The following CELSR3 variants were observed in gnomAD, a reference collection of about 807,000 sequenced individuals.
CELSR3 encodes EGF-like protein 1.
CELSR3 carries 73 observed loss-of-function variants against 270.0 expected under a neutral mutation model. That is an observed-to-expected ratio of 0.27 (90% CI 0.22 to 0.33). The LOEUF is 0.33. CELSR3 is among the 10% of genes least tolerant of loss of function. CELSR3 has a pLI of 1.00. For synonymous variants in CELSR3, 1,780 were observed against 1,905.4 expected, an observed-to-expected ratio of 0.93 and a Z score of 1.71; for missense variants, 3,614 against 4,533.8, an observed-to-expected ratio of 0.80 and a Z score of 5.83.
rs751803645 is a variant in CELSR3, at chr3:48,659,775, C to T, written c.2860G>A (p.Val954Met). 1.4e-5 allele frequency: 23 copies of T among 1,614,122 alleles called. No individual in the cohort carries two copies. The Admixed American group carries it at 2.7e-4, about 19-fold the overall frequency. ...TTYVEVMVND[V>M]NDNAPQFVAS... The stretch of plus-strand genomic sequence containing the variant: ...ACAAATTGTGGAGCATTGTCATTCA[C>T]GTCATTGACCATCACCTCCACATAA... Residue 954 changes from valine (V) to methionine (M), a missense_variant, in exon 1 of 35, where the codon GTG becomes ATG. By Grantham distance (21) the Val-to-Met change is conservative. This residue lies in a region of CELSR3 where 1,331 missense variants were observed against 1,933.7 expected (regional missense o/e 0.69). Coordinates refer to ENST00000164024, the MANE Select transcript of CELSR3 (RefSeq NM_001407.3). The surrounding 1 kb of genome is among the most constrained non-coding windows in gnomAD (Gnocchi z 8.1).
intron 2 of CELSR3, 61 bp from the exon 3 acceptor site, chr3:48,656,426 TCAAAGACCGCGCGCC>T (rs962495662): frequency 3.0e-6 from 4 of 1,350,026 alleles, no homozygotes; most frequent in Admixed American, 3.7e-5. Flanking sequence ...TCCGGCCCCT[TCAAAGACCGCGCGCC>T]CAGAGGCCGG....
rs2106701526 is a variant in CELSR3, at chr3:48,644,247, C to T, written c.8134G>A (p.Gly2712Arg). ...LLAARTSCST[G>R]QREAKKTSAL... is the part of the protein sequence containing the mutation. Reference sequence around the variant, plus strand: ...GAGGTCTTCTTGGCCTCCCTCTGCCCTGTGGAGCAGGATGTGCGGGCAGCG... The same window carrying T: ...GAGGTCTTCTTGGCCTCCCTCTGCCTTGTGGAGCAGGATGTGCGGGCAGCG... Residue 2712 changes from glycine to arginine, a missense_variant, in exon 27 of 35, where the codon GGG (glycine) becomes AGG (arginine). Transcript: ENST00000164024. This position sits in a 1 kb window ranked among gnomAD's most constrained non-coding sequence, Gnocchi z 4.8. 6.2e-7 allele frequency: 1 copy of T among 1,613,174 alleles called. No individual in the cohort carries two copies. The highest frequency in any genetic ancestry group is 2.2e-5 in the East Asian group (1 of 44,870).
In CELSR3 at chr3:48,646,304, C is replaced by A. The variant is rs1442307982; in HGVS notation, c.7296-47G>T. 6.4e-7 allele frequency: 1 copy of A among 1,560,914 alleles called. No individual in the cohort carries two copies. The highest frequency in any genetic ancestry group is 1.2e-5 in the South Asian group (1 of 85,066). Reference sequence around the variant, plus strand: ...CTTACGCACTGCTGACCTCCCCATGCTCAGCCTGCTTGCCTCACCCCGTCT... The same window carrying A: ...CTTACGCACTGCTGACCTCCCCATGATCAGCCTGCTTGCCTCACCCCGTCT... On this transcript the variant is annotated intron_variant, in intron 21 of 34. Transcript: ENST00000164024. This position sits in a 1 kb window ranked among gnomAD's most constrained non-coding sequence, Gnocchi z 4.8.
In CELSR3 at chr3:48,648,571, G is replaced by C. The variant is rs146206111; in HGVS notation, c.6778-110C>G. 5.3e-4 allele frequency: 727 copies of C among 1,376,186 alleles called. 9 individuals are homozygous for C. The East Asian group carries it at 0.013, about 25-fold the overall frequency. The allele number at this position is 1,376,186 out of a possible 1,614,324, so 85.2% of individuals were successfully genotyped here. ...TGCTCAGAGGGGCTCCAACAGGCAA[G>C]GGGGCGGGGCTGGAGAGGACAAGGA... is the stretch of plus-strand genomic sequence containing the variant. On this transcript the variant is annotated intron_variant, in intron 18 of 34. Transcript: ENST00000164024.
chr3:48,653,086 A>G lies in CELSR3; in HGVS notation c.5550T>C (p.Asp1850=). ...GTTCCTCCTGCAACTCCAGCCGCAG[A>G]TCGTGCCACCGGCCATCACTGACAG... is the stretch of plus-strand genomic sequence containing the variant. ...QVTVSDGRWH[D]LRLELQEEPG... is the part of the protein sequence containing the mutation. Residue 1850 remains aspartate, a synonymous_variant, in exon 10 of 35, where the codon GAT becomes GAC. Transcript: ENST00000164024. The surrounding 1 kb of genome is among the most constrained non-coding windows in gnomAD (Gnocchi z 6.5). 1 of 1,613,394 alleles carries G rather than the reference A, an allele frequency of 6.2e-7. No homozygotes were observed. Among genetic ancestry groups the G allele is most frequent in the South Asian group, 1.1e-5 (1 of 91,086 alleles).
In CELSR3 at chr3:48,655,478, G is replaced by A. The variant is rs2047172555; in HGVS notation, c.4742-84C>T. The A allele has an allele frequency of 1.4e-6, 2 of 1,396,972 alleles. No individual in the cohort carries two copies. Among genetic ancestry groups the A allele is most frequent in the Non-Finnish European group, 1.0e-6 (1 of 990,190 alleles). The allele number at this position is 1,396,972 out of a possible 1,614,324, so 86.5% of individuals were successfully genotyped here. A position where few individuals can be genotyped will look rare whatever the true frequency, so the allele number is the denominator to read the frequency against. On this transcript the variant is annotated intron_variant, in intron 4 of 34. Coordinates refer to ENST00000164024, the MANE Select transcript of CELSR3 (RefSeq NM_001407.3). This position sits in a 1 kb window ranked among gnomAD's most constrained non-coding sequence, Gnocchi z 5.8. ...TCATATAAGCACAACCATTCCCAGG[G>A]CCACCCTGGATGCATCAGATCAGTC...
chr3:48,651,811 C>T lies in CELSR3; in HGVS notation c.5923+66G>A. 6.5e-7 allele frequency: 1 copy of T among 1,549,064 alleles called. No individual in the cohort carries two copies. Among genetic ancestry groups the T allele is most frequent in the Admixed American group, 2.0e-5 (1 of 49,084 alleles). On this transcript the variant is annotated intron_variant, in intron 12 of 34. Coordinates refer to ENST00000164024, the MANE Select transcript of CELSR3 (RefSeq NM_001407.3). This position sits in a 1 kb window ranked among gnomAD's most constrained non-coding sequence, Gnocchi z 7.4. ...GAGTCCCTGCCTCCTTCAGGTTCCCCAGTCTTCATCATGGGCCCCTAACGC... is the reference window on the plus strand; with the variant it reads ...GAGTCCCTGCCTCCTTCAGGTTCCCTAGTCTTCATCATGGGCCCCTAACGC...
rs755164071 is a variant in CELSR3, at chr3:48,643,076, G to A, written c.8297C>T (p.Ala2766Val). The A allele has an allele frequency of 6.8e-6, 11 of 1,609,316 alleles. No homozygotes were observed. In the Admixed American group the frequency reaches 8.3e-5, roughly 12 times the overall value. ...TAGGACACAGAAGAGCAGCAGCACCGCCAGGCCCTGTGGGTCAGCGAGGGT... is the reference window on the plus strand; with the variant it reads ...TAGGACACAGAAGAGCAGCAGCACCACCAGGCCCTGTGGGTCAGCGAGGGT... ...HAGLCGLQGL[A>V]VLLLFCVLNA... The change falls in exon 29 of 35, where the codon GCG becomes GTG. Residue 2766 changes from alanine (A) to valine (V), a missense_variant. Ala to Val is a moderately conservative substitution (Grantham distance 64). Around this residue, in one of 7 missense-constraint regions of CELSR3, gnomAD observed 1,240 missense variants for 1,351.7 expected, o/e 0.92. Transcript: ENST00000164024.
At chr3:48,656,473 C>G in intron 2 of CELSR3, 108 bp from the exon 3 acceptor site, 1 of 1,181,420 alleles carries the variant, frequency 8.5e-7, no homozygotes, top group Non-Finnish European at 1.1e-6. Flanking sequence ...CCCGAAAGGT[C>G]GCCCTCTTCG....
rs909084567 is a variant in CELSR3 at position 48,657,095 on chromosome 3, A to T, written c.4002T>A (p.Ala1334=). ...TVLNVSFSAL[A]PRGAGAGAAG... ...CAGCGCCCGCCCCGGCCCCACGTGG[A>T]GCTAGCGCCGAGAAACTCACATTGA... is the stretch of plus-strand genomic sequence containing the variant. Residue 1334 remains alanine, a synonymous_variant, in exon 2 of 35, where the codon GCT becomes GCA. Coordinates refer to ENST00000164024, the MANE Select transcript of CELSR3 (RefSeq NM_001407.3). The surrounding 1 kb of genome is among the most constrained non-coding windows in gnomAD (Gnocchi z 5.4). 6.2e-7 allele frequency: 1 copy of T among 1,613,828 alleles called. No homozygotes were observed. Among genetic ancestry groups the T allele is most frequent in the Non-Finnish European group, 8.5e-7 (1 of 1,179,932 alleles).
rs952681385 is a variant in CELSR3, at chr3:48,650,680, C to T, written c.6371-99G>A. On this transcript the variant is annotated intron_variant, in intron 15 of 34. Transcript: ENST00000164024. The surrounding 1 kb of genome is among the most constrained non-coding windows in gnomAD (Gnocchi z 5.1). ...ACCACCCCCCACAAGGCCCACTGCC[C>T]GCCACTCCTGCTGGCTTCTCAGGAG... 1.5e-5 allele frequency: 17 copies of T among 1,108,828 alleles called. No individual in the cohort carries two copies. The highest frequency in any genetic ancestry group is 2.6e-4 in the Middle Eastern group (1 of 3,910). 68.7% of individuals were successfully genotyped at this position (1,108,828 alleles called of 1,614,324 possible). A position where few individuals can be genotyped will look rare whatever the true frequency, so the allele number is the denominator to read the frequency against.
In CELSR3 at chr3:48,648,266, T is replaced by C. The variant is rs781430987; in HGVS notation, c.6973A>G (p.Met2325Val). ...NPMGLVTPNI[M>V]LSIDRMEHPS... is the part of the protein sequence containing the mutation. ...CCGCCCTACCCCACCCACAACGCAC[T>C]GATATTAGGCGTCACCAGCCCCATG... Residue 2325 changes from methionine (M) to valine (V), a missense_variant and splice_region_variant, in exon 19 of 35, where the codon ATG (methionine) becomes GTG (valine). Physicochemically the swap from Met to Val is conservative, Grantham distance 21 (BLOSUM62 1). Transcript: ENST00000164024. 91 of 622,640 alleles carry C rather than the reference T, an allele frequency of 1.5e-4. No homozygotes were observed. Among genetic ancestry groups the C allele is most frequent in the Non-Finnish European group, 2.5e-4 (87 of 351,788 alleles). 38.6% of individuals were successfully genotyped at this position (622,640 alleles called of 1,614,324 possible). A position where few individuals can be genotyped will look rare whatever the true frequency, so the allele number is the denominator to read the frequency against.
Position 48,648,246 on chromosome 3 carries a change from C to T in CELSR3, c.6973+20G>A. On this transcript the variant is annotated intron_variant, in intron 19 of 34. Transcript: ENST00000164024. ...CATGGCCCCCCTGCTGTGCCCCGCC[C>T]TACCCCACCCACAACGCACTGATAT... The T allele has an allele frequency of 1.4e-6, 2 of 1,418,302 alleles. No individual in the cohort carries two copies. Among genetic ancestry groups the T allele is most frequent in the Non-Finnish European group, 2.0e-6 (2 of 1,009,192 alleles). The allele number at this position is 1,418,302 out of a possible 1,614,324, so 87.9% of individuals were successfully genotyped here. A position where few individuals can be genotyped will look rare whatever the true frequency, so the allele number is the denominator to read the frequency against.
chr3:48,662,018 C>G lies in CELSR3; in HGVS notation c.617G>C (p.Gly206Ala). Residue 206 changes from glycine (G) to alanine (A), a missense_variant, in exon 1 of 35, where the codon GGG becomes GCG. Physicochemically the swap from Gly to Ala is moderately conservative, Grantham distance 60. Around this residue, in one of 7 missense-constraint regions of CELSR3, gnomAD observed 470 missense variants for 469.7 expected, o/e 1.00. Transcript: ENST00000164024. This position sits in a 1 kb window ranked among gnomAD's most constrained non-coding sequence, Gnocchi z 7.1. ...RKRVGTARCC[G>A]ELWATGSKGQ... ...CTTGCTCCCTGTTGCCCATAATTCC[C>G]CACAGCAGCGCGCGGTGCCCACTCT... 1 of 1,614,122 alleles carries G rather than the reference C, an allele frequency of 6.2e-7. No individual in the cohort carries two copies. Among genetic ancestry groups the G allele is most frequent in the Non-Finnish European group, 8.5e-7 (1 of 1,180,048 alleles).
Position 48,647,981 on chromosome 3 carries a change from C to A in CELSR3, c.6989G>T (p.Arg2330Leu), listed in dbSNP as rs556627156. ...VTPNIMLSID[R>L]MEHPSSPRGA... is the part of the protein sequence containing the mutation. ...CCGGGGAGAACTGGGGTGCTCCATG[C>A]GGTCAATGCTGAGCACTACCCAGGA... Residue 2330 changes from arginine to leucine, a missense_variant, in exon 20 of 35, where the codon CGC becomes CTC. By Grantham distance (102) the Arg-to-Leu change is moderately radical (BLOSUM62 -2). Coordinates refer to ENST00000164024, the MANE Select transcript of CELSR3 (RefSeq NM_001407.3). 6.2e-7 allele frequency: 1 copy of A among 1,611,980 alleles called. No individual in the cohort carries two copies.
At position 48,644,178 on chromosome 3, in the gene CELSR3, A is replaced by C; in HGVS notation, c.8165+38T>G. The C allele has an allele frequency of 6.3e-7, 1 of 1,577,172 alleles. No homozygotes were observed. The highest frequency in any genetic ancestry group is 1.3e-5 in the African/African-American group (1 of 74,316). ...AGACCCCACCCAGGAGGGACCTGCC[A>C]TCCTGAGAAGCCCCCTTCCTCCAGC... On this transcript the variant is annotated intron_variant, in intron 27 of 34. Coordinates refer to ENST00000164024, the MANE Select transcript of CELSR3 (RefSeq NM_001407.3). This position sits in a 1 kb window ranked among gnomAD's most constrained non-coding sequence, Gnocchi z 4.8.
intron 34 of CELSR3, 94 bp from the exon 35 acceptor site, chr3:48,638,326 C>T (rs982443588): frequency 1.1e-6 from 1 of 894,296 alleles, no homozygotes; most frequent in Non-Finnish European, 1.9e-6. Flanking sequence ...TGGCTGCTTC[C>T]CTTGCCTCCA....
In CELSR3 at chr3:48,640,501, C is replaced by G; in HGVS notation, c.9084G>C (p.Glu3028Asp). 1 of 1,609,712 alleles carries G rather than the reference C, an allele frequency of 6.2e-7. No homozygotes were observed. Among genetic ancestry groups the G allele is most frequent in the Admixed American group, 1.7e-5 (1 of 59,882 alleles). The change falls in exon 34 of 35, where the codon GAG (glutamate) becomes GAC (aspartate). Residue 3028 changes from glutamate to aspartate, a missense_variant. Transcript: ENST00000164024. The surrounding 1 kb of genome is among the most constrained non-coding windows in gnomAD (Gnocchi z 7.5). ...PLVPQTRGAP[E>D]LSWCRAATLG... ...AGGTGGCTGCACGGCACCAGGACAGCTCAGGGGCACCTCGGGTCTGTGGCA... is the reference window on the plus strand; with the variant it reads ...AGGTGGCTGCACGGCACCAGGACAGGTCAGGGGCACCTCGGGTCTGTGGCA...
Position 48,657,428 on chromosome 3 carries a change from C to A in CELSR3, c.3749-80G>T, listed in dbSNP as rs1267200702. On this transcript the variant is annotated intron_variant, in intron 1 of 34. Coordinates refer to ENST00000164024, the MANE Select transcript of CELSR3 (RefSeq NM_001407.3). The surrounding 1 kb of genome is among the most constrained non-coding windows in gnomAD (Gnocchi z 5.4). Reference sequence around the variant, plus strand: ...TGGGACACAAGAGGGCTGGGGCCAGCGATAGCCTAGGCCCCCAGAACCTCT... The same window carrying A: ...TGGGACACAAGAGGGCTGGGGCCAGAGATAGCCTAGGCCCCCAGAACCTCT... The A allele has an allele frequency of 8.6e-6, 12 of 1,399,528 alleles. No individual in the cohort carries two copies. The highest frequency in any genetic ancestry group is 1.4e-5 in the African/African-American group (1 of 69,218). 86.7% of individuals were successfully genotyped at this position (1,399,528 alleles called of 1,614,324 possible). A position where few individuals can be genotyped will look rare whatever the true frequency, so the allele number is the denominator to read the frequency against.
Sources: allele counts gnomAD v4.1 joint callset, GRCh38; gene constraint gnomAD v4.1.1; regional missense constraint gnomAD v4.1.1; non-coding constraint Gnocchi (gnomAD v3.1); transcripts MANE v1.5; gene names NCBI Gene and HGNC (gene_info 2026-07-23, HGNC 2026-07-21).